Variants in GALNT14 observed in about 807,000 individuals in gnomAD.
GALNT14 encodes UDP-GalNAc:polypeptide N-acetylgalactosaminyltransferase 14.
In GALNT14, 60 loss-of-function variants were observed where a neutral mutation model predicts 77.5. The ratio of observed to expected loss-of-function variants is 0.77; its 90% CI spans 0.63 to 0.96. The LOEUF (loss-of-function observed/expected upper bound fraction) is 0.96, where lower values mean the gene tolerates loss of function less well. Ranked by LOEUF, GALNT14 falls within the 40% of genes least tolerant of loss-of-function variation. The probability of loss-of-function intolerance (pLI) is 0.00; values close to 1 mark genes in which losing one functional copy is unlikely to be tolerated. For missense variants in GALNT14, 710 were observed against 731.0 expected, an observed-to-expected ratio of 0.97 and a Z score of 0.33; for synonymous variants, 280 against 281.7, an observed-to-expected ratio of 0.99 and a Z score of 0.06.
rs1558449482 is a variant in GALNT14, at chr2:30,966,218, G to A, written c.384C>T (p.Leu128=). Reference sequence around the variant, plus strand: ...GGATGCCTCACCTGCGGATGGTCCTGAGCAGCGTGGAGCGGGCCTCGTTGT... The same window carrying A: ...GGATGCCTCACCTGCGGATGGTCCTAAGCAGCGTGGAGCGGGCCTCGTTGT... ...TFHNEARSTL[L]RTIRSVLNRT... is the part of the protein sequence containing the mutation. Residue 128 remains leucine (L), a synonymous_variant, in exon 3 of 15, where the codon CTC becomes CTT. Coordinates refer to ENST00000349752, the MANE Select transcript of GALNT14 (RefSeq NM_024572.4). 1 of 1,613,954 alleles carries A rather than the reference G, an allele frequency of 6.2e-7. No individual in the cohort carries two copies. The highest frequency in any genetic ancestry group is 8.5e-7 in the Non-Finnish European group (1 of 1,179,900).
At chr2:30,965,418 AG>A (rs1484993243) in intron 3 of GALNT14, among the ~76,000 whole-genome samples, 1 of 103,220 alleles carries the variant, frequency 9.7e-6, no homozygotes, top group Admixed American at 1.4e-4. Flanking sequence ...GGCCTGAGGG[AG>A]GGAGAAGAGG....
chr2:30,892,587 A>G, the GALNT14 span, among the ~76,000 whole-genome samples: 1 of 152,234 alleles, frequency 6.6e-6, no homozygotes, highest in Non-Finnish European at 1.5e-5. Flanking sequence ...GCATGTTGGT[A>G]TAATGAACAG....
At chr2:31,056,942 A>G (rs942082387) in intron 1 of GALNT14, among the ~76,000 whole-genome samples, 1 of 152,196 alleles carries the variant, frequency 6.6e-6, no homozygotes, top group African/African-American at 2.4e-5. Flanking sequence ...ACGGAATACT[A>G]CACAGCCATA....
At chr2:31,105,719 T>A (rs1051093630) in intron 1 of GALNT14, among the ~76,000 whole-genome samples, 1 of 151,400 alleles carries the variant, frequency 6.6e-6, no homozygotes, top group Non-Finnish European at 1.5e-5. Flanking sequence ...AACAAGACCC[T>A]GTCTCAAAAA....
At chr2:31,052,272 T>C (rs1356926993) in intron 1 of GALNT14, among the ~76,000 whole-genome samples, 1 of 152,158 alleles carries the variant, frequency 6.6e-6, no homozygotes, top group Non-Finnish European at 1.5e-5. Flanking sequence ...CTTGTCTCCC[T>C]GTACTTCTGT....
intron 13 of GALNT14, among the ~76,000 whole-genome samples, chr2:30,919,035 C>T (rs1664875389): frequency 6.6e-6 from 1 of 152,152 alleles, no homozygotes; most frequent in African/African-American, 2.4e-5. Flanking sequence ...TGCTCCACAG[C>T]CAGTAGCCCA....
At chr2:31,052,248 C>T (rs1012922260) in intron 1 of GALNT14, among the ~76,000 whole-genome samples, 10 of 152,196 alleles carry the variant, frequency 6.6e-5, no homozygotes, top group Non-Finnish European at 1.5e-4. Flanking sequence ...CAGCACTCCA[C>T]ATGGCACCAA....
At chr2:30,988,925 T>C (rs1669486956) in intron 2 of GALNT14, among the ~76,000 whole-genome samples, 8 of 152,236 alleles carry the variant, frequency 5.3e-5, no homozygotes, top group Admixed American at 4.6e-4. Context: ...AAGTCCCTGC[T>C]ATTCAAAGTG....
intron 1 of GALNT14, among the ~76,000 whole-genome samples, chr2:31,070,351 T>C (rs1159605590): frequency 6.6e-6 from 1 of 152,188 alleles, no homozygotes; most frequent in Non-Finnish European, 1.5e-5. Context: ...GGAAGAAACC[T>C]AGACATGGCC....
At chr2:30,990,472 C>T (rs1669629324) in intron 2 of GALNT14, among the ~76,000 whole-genome samples, 1 of 136,122 alleles carries the variant, frequency 7.3e-6, no homozygotes, top group African/African-American at 2.9e-5. Context: ...GAACTAAGAG[C>T]TGGAAGTGTG....
At chr2:30,965,099 C>T (rs901531656) in intron 3 of GALNT14, among the ~76,000 whole-genome samples, 9 of 152,164 alleles carry the variant, frequency 5.9e-5, no homozygotes, top group South Asian at 2.1e-4. Context: ...AGCTGCGGGA[C>T]GTGGCTGTGG....
chr2:31,129,602 C>T (rs949475837), intron 1 of GALNT14: 1 of 985,390 alleles, frequency 1.0e-6, no homozygotes, highest in Non-Finnish European at 1.2e-6. Context: ...GCCTGAAATA[C>T]AGGCACCAGC....
In GALNT14 at chr2:30,966,226, T is replaced by C. The variant is rs1302392563; in HGVS notation, c.376A>G (p.Thr126Ala). The change falls in exon 3 of 15, where the codon ACG (threonine) becomes GCG (alanine). Residue 126 changes from threonine (T) to alanine (A), a missense_variant. Coordinates refer to ENST00000349752, the MANE Select transcript of GALNT14 (RefSeq NM_024572.4). The stretch of plus-strand genomic sequence containing the variant: ...CACCTGCGGATGGTCCTGAGCAGCG[T>C]GGAGCGGGCCTCGTTGTGGAAGGTG... ...IITFHNEARS[T>A]LLRTIRSVLN... 6.2e-7 allele frequency: 1 copy of C among 1,613,900 alleles called. No individual in the cohort carries two copies. The highest frequency in any genetic ancestry group is 1.3e-5 in the African/African-American group (1 of 74,906).
chr2:30,977,231 A>G (rs1668687405), intron 2 of GALNT14, among the ~76,000 whole-genome samples: 1 of 152,070 alleles, frequency 6.6e-6, no homozygotes, highest in Non-Finnish European at 1.5e-5. Context: ...TTGGGACTAC[A>G]GGCATGCGCC....
chr2:31,017,571 G>C (rs1671454407), intron 1 of GALNT14, among the ~76,000 whole-genome samples: 1 of 152,144 alleles, frequency 6.6e-6, no homozygotes, highest in Non-Finnish European at 1.5e-5. Context: ...TATTGAGTCA[G>C]GGGAGAGTCA....
At chr2:30,919,030 C>A (rs1422883135) in intron 13 of GALNT14, among the ~76,000 whole-genome samples, 2 of 152,176 alleles carry the variant, frequency 1.3e-5, no homozygotes, top group Admixed American at 1.3e-4. Context: ...TTGCATGCTC[C>A]ACAGCCAGTA....
In GALNT14 at chr2:30,938,963, T is replaced by C. The variant is rs544316731; in HGVS notation, c.931+3238A>G. Among the ~76,000 whole-genome samples the C allele has an allele frequency of 5.3e-5, 8 of 152,358 alleles. No homozygotes were observed. In the South Asian group the frequency reaches 1.4e-3, roughly 28 times the overall value. On this transcript the variant is annotated intron_variant, in intron 9 of 14. Transcript: ENST00000349752. ...AAAGGGAAACCCTTAAACATGTCTC[T>C]CTAGGGCTCCATTTAATCCAATGAA...
At chr2:31,108,723 T>C (rs1262224807) in intron 1 of GALNT14, among the ~76,000 whole-genome samples, 1 of 152,232 alleles carries the variant, frequency 6.6e-6, no homozygotes, top group Non-Finnish European at 1.5e-5. Context: ...GAATGAGGAC[T>C]ATATAAGCAT....
intron 1 of GALNT14, among the ~76,000 whole-genome samples, chr2:31,041,599 C>T (rs1382763750): frequency 6.6e-6 from 1 of 151,954 alleles, no homozygotes; most frequent in African/African-American, 2.4e-5. Context: ...ATGCATTGGT[C>T]GTGGGCAGGG....
Sources: gnomAD v4.1 joint callset for allele counts (sites outside exome capture counted in the v4.1 genomes callset) on GRCh38, gnomAD v4.1.1 for gene constraint, MANE v1.5 for transcripts, NCBI Gene and HGNC (gene_info 2026-07-23, HGNC 2026-07-21) for gene names.